Variants in COL12A1 observed in about 807,000 individuals in gnomAD.
COL12A1 encodes collagen type XII alpha 1 chain.
COL12A1 carries 114 observed loss-of-function variants against 349.7 expected under a neutral mutation model. The observed-to-expected ratio is 0.33, with a 90% CI of 0.28 to 0.38. COL12A1 has a LOEUF of 0.38. COL12A1 is among the 10% of genes least tolerant of loss of function. The pLI is 1.00. For missense variants in COL12A1, 3,284 were observed against 3,756.9 expected, an observed-to-expected ratio of 0.87 and a Z score of 3.29; for synonymous variants, 1,369 against 1,329.0, an observed-to-expected ratio of 1.03 and a Z score of -0.66.
In COL12A1 at chr6:75,125,316, T is replaced by C. The variant is rs761762024; in HGVS notation, c.6461-43A>G. ...AAAATACACAGAAACATGCCATCAA[T>C]AGCATGAAATTTTGCTTAAAATTAA... On this transcript the variant is annotated intron_variant, in intron 39 of 65. Transcript: ENST00000322507. The C allele has an allele frequency of 3.3e-6, 5 of 1,522,310 alleles. No homozygotes were observed. In the African/African-American group the frequency reaches 5.6e-5, roughly 17 times the overall value. 94.3% of individuals were successfully genotyped at this position (1,522,310 alleles called of 1,614,324 possible). A position where few individuals can be genotyped will look rare whatever the true frequency, so the allele number is the denominator to read the frequency against.
At chr6:75,176,706 A>G (rs1020591378) in intron 12 of COL12A1, among the ~76,000 whole-genome samples, 1 of 152,216 alleles carries the variant, frequency 6.6e-6, no homozygotes, top group South Asian at 2.1e-4. Flanking sequence ...AGATGATGAT[A>G]ATAATAACAT....
chr6:75,085,779 G>A lies in COL12A1; in HGVS notation c.*768C>T, dbSNP rs1482007274. ...CATTGGCTCCTAGAAACTGAACTCG[G>A]GGGGTGAAAAGCAACTATCACCAGG... On this transcript the variant is annotated 3_prime_UTR_variant, in exon 66 of 66. Coordinates refer to ENST00000322507, the MANE Select transcript of COL12A1 (RefSeq NM_004370.6). 5.0e-6 allele frequency: 1 copy of A among 201,828 alleles called. No homozygotes were observed. The highest frequency in any genetic ancestry group is 1.2e-4 in the East Asian group (1 of 8,602). The allele number at this position is 201,828 out of a possible 1,614,324, so 12.5% of individuals were successfully genotyped here. A position where few individuals can be genotyped will look rare whatever the true frequency, so the allele number is the denominator to read the frequency against.
chr6:75,128,240 AT>A, intron 38 of COL12A1, 55 bp downstream of exon 38: 1 of 1,463,746 alleles, frequency 6.8e-7, no homozygotes, highest in Non-Finnish European at 9.0e-7. Flanking sequence ...TAAAAGCAAC[AT>A]TAACATATTG....
intron 63 of COL12A1, 111 bp downstream of exon 63, chr6:75,089,999 A>C: frequency 8.6e-7 from 1 of 1,165,080 alleles, no homozygotes; most frequent in South Asian, 1.4e-5. Context: ...TCCAAACAAG[A>C]CCAGGGAAAG....
At chr6:75,146,306 T>C (rs1767192507) in intron 23 of COL12A1, 62 bp from the exon 24 acceptor site, 1 of 1,485,776 alleles carries the variant, frequency 6.7e-7, no homozygotes, top group African/African-American at 1.4e-5. Flanking sequence ...TTTTTAACCA[T>C]TGTTTTGTAC....
At position 75,165,647 on chromosome 6, in the gene COL12A1, G is replaced by C. The variant is rs763348387; in HGVS notation, c.2843C>G (p.Thr948Ser). The change falls in exon 14 of 66, where the codon ACT becomes AGT. Residue 948 changes from threonine (T) to serine (S), a missense_variant. By Grantham distance (58) the Thr-to-Ser change is moderately conservative. Transcript: ENST00000322507. ...SWKSLYDDVDTGEKNLPEDAI... is the reference protein window; with the variant it reads ...SWKSLYDDVDSGEKNLPEDAI... ...ATCTTCAGGCAGATTTTTCTCTCCA[G>C]TGTCAACATCATCATAAAGTGATTT... 6.2e-7 allele frequency: 1 copy of C among 1,613,952 alleles called. No homozygotes were observed. Among genetic ancestry groups the C allele is most frequent in the Admixed American group, 1.7e-5 (1 of 59,980 alleles).
At chr6:75,137,363 G>A (rs1472861447) in intron 31 of COL12A1, 74 bp downstream of exon 31, 1 of 1,334,872 alleles carries the variant, frequency 7.5e-7, no homozygotes, top group Admixed American at 2.4e-5. Context: ...GACTAACTAA[G>A]CACTGAGGGG....
At chr6:75,091,626 AG>A in intron 60 of COL12A1, 101 bp from the exon 61 acceptor site, 2 of 1,151,382 alleles carry the variant, frequency 1.7e-6, no homozygotes, top group Non-Finnish European at 2.5e-6. Flanking sequence ...TGTTTTCTAA[AG>A]CATTAGCAAA....
intron 49 of COL12A1, among the ~76,000 whole-genome samples, chr6:75,114,336 T>C (rs1333350512): frequency 6.6e-6 from 1 of 151,914 alleles, no homozygotes; most frequent in Non-Finnish European, 1.5e-5. Flanking sequence ...ATTTTAAATA[T>C]GAAGGCCATA....
chr6:75,145,727 G>A (rs1767148996), intron 24 of COL12A1, among the ~76,000 whole-genome samples: 2 of 151,656 alleles, frequency 1.3e-5, no homozygotes, highest in South Asian at 4.2e-4. Context: ...CACCTCCCGG[G>A]TTCAAGCAAT....
At chr6:75,091,061 T>C (rs1176759942) in intron 62 of COL12A1, among the ~76,000 whole-genome samples, 1 of 152,228 alleles carries the variant, frequency 6.6e-6, no homozygotes, top group Non-Finnish European at 1.5e-5. Context: ...CTTAAAGATC[T>C]TAACTTAAAA....
At chr6:75,135,273 G>A (rs909920260) in intron 31 of COL12A1, among the ~76,000 whole-genome samples, 2 of 152,268 alleles carry the variant, frequency 1.3e-5, no homozygotes, top group Admixed American at 6.5e-5. Context: ...TTTAACAGAT[G>A]TTTTTATTTG....
At chr6:75,121,858 C>CT (rs60234784) in intron 43 of COL12A1, among the ~76,000 whole-genome samples, 5,407 of 134,444 alleles carry the variant, frequency 0.04, 172 homozygotes, top group African/African-American at 0.071. Context: ...CAAATAAGTC[C>CT]TTTTTTTTTT....
chr6:75,142,194 T>C (rs1409422784), intron 26 of COL12A1, 33 bp from the exon 27 acceptor site: 4 of 1,613,276 alleles, frequency 2.5e-6, no homozygotes, highest in Middle Eastern at 3.3e-4. Flanking sequence ...GAACTACTTT[T>C]ACAAAGGGTT....
At chr6:75,145,283 C>T (rs763412420) in intron 25 of COL12A1, 43 bp downstream of exon 25, 1 of 1,508,750 alleles carries the variant, frequency 6.6e-7, no homozygotes, top group Non-Finnish European at 9.0e-7. Context: ...GAACATTATG[C>T]TCACAGCAAT....
At chr6:75,123,508 C>T (rs1765851606) in intron 42 of COL12A1, 104 bp from the exon 43 acceptor site, 11 of 934,426 alleles carry the variant, frequency 1.2e-5, no homozygotes, top group Middle Eastern at 3.1e-4. Context: ...CAAATCAAGT[C>T]GTACAAAATG....
At chr6:75,180,648 T>C (rs1288975991) in intron 11 of COL12A1, among the ~76,000 whole-genome samples, 1 of 152,020 alleles carries the variant, frequency 6.6e-6, no homozygotes, top group Non-Finnish European at 1.5e-5. Flanking sequence ...TCCTGAAATT[T>C]GGGACCAAAA....
In COL12A1 at chr6:75,164,992, A is replaced by G. The variant is rs377543434; in HGVS notation, c.2983+515T>C. Among the ~76,000 whole-genome samples the G allele has an allele frequency of 6.6e-5, 10 of 152,304 alleles. No homozygotes were observed. In the East Asian group the frequency reaches 1.3e-3, roughly 21 times the overall value. On this transcript the variant is annotated intron_variant, in intron 14 of 65. Transcript: ENST00000322507. Reference sequence around the variant, plus strand: ...CTAAGTTAAGTCTTGGTTGTATGATAATCATAGTTTCAATAGCGATCAATC... The same window carrying G: ...CTAAGTTAAGTCTTGGTTGTATGATGATCATAGTTTCAATAGCGATCAATC...
Position 75,183,908 on chromosome 6 carries a change from A to G in COL12A1, c.1234T>C (p.Ser412Pro). 6.2e-7 allele frequency: 1 copy of G among 1,614,138 alleles called. No homozygotes were observed. The highest frequency in any genetic ancestry group is 1.3e-5 in the African/African-American group (1 of 75,028). ...TCCATTATTGAAATGGGTTCACTGG[A>G]TGTCATTCCCTTCATGGCGGAAACA... ...ISVSAMKGMTSSEPISIMEKT... is the reference protein window; with the variant it reads ...ISVSAMKGMTPSEPISIMEKT... The change falls in exon 9 of 66, where the codon TCC (serine) becomes CCC (proline). Residue 412 changes from serine (S) to proline (P), a missense_variant. Physicochemically the swap from Ser to Pro is moderately conservative, Grantham distance 74. This residue lies in a region of COL12A1 where 2,601 missense variants were observed against 2,824.8 expected (regional missense o/e 0.92). Coordinates refer to ENST00000322507, the MANE Select transcript of COL12A1 (RefSeq NM_004370.6).
Sources: gnomAD v4.1 joint callset for allele counts (sites outside exome capture counted in the v4.1 genomes callset) on GRCh38, gnomAD v4.1.1 for gene constraint, gnomAD v4.1.1 regional missense constraint, MANE v1.5 for transcripts, NCBI Gene and HGNC (gene_info 2026-07-23, HGNC 2026-07-21) for gene names.